The following SPIN1 variants were observed in gnomAD, a reference collection of about 807,000 sequenced individuals.
The protein encoded by SPIN1 is spindlin 1.
SPIN1 carries 3 observed loss-of-function variants against 26.0 expected under a neutral mutation model. The observed-to-expected ratio is 0.12, with a 90% CI of 0.05 to 0.30. The LOEUF (loss-of-function observed/expected upper bound fraction) is 0.30, where lower values mean the gene tolerates loss of function less well. Ranked by LOEUF, SPIN1 falls within the 10% of genes least tolerant of loss-of-function variation. The pLI is 1.00. For synonymous variants in SPIN1, 101 were observed against 116.5 expected (o/e 0.87, Z 0.86); for missense variants, 126 against 333.4 (o/e 0.38, Z 4.84).
intron 2 of SPIN1, among the ~76,000 whole-genome samples, chr9:88,439,773 C>T (rs1398025253): frequency 6.6e-6 from 1 of 152,138 alleles, no homozygotes; most frequent in Non-Finnish European, 1.5e-5. Flanking sequence ...CCAAACTCTG[C>T]TTTTTCTAAA....
chr9:88,420,323 C>T (rs532043273), intron 1 of SPIN1, among the ~76,000 whole-genome samples: 15 of 152,280 alleles, frequency 9.9e-5, no homozygotes, highest in South Asian at 2.1e-4. Context: ...TGCAGTGAGC[C>T]GAGATTGCGC....
chr9:88,417,810 T>C (rs1448032797), intron 1 of SPIN1, among the ~76,000 whole-genome samples: 1 of 152,210 alleles, frequency 6.6e-6, no homozygotes, highest in Non-Finnish European at 1.5e-5. Context: ...ACACACTAGC[T>C]ATAAATTGGA....
chr9:88,398,552 A>T (rs1278997032), intron 1 of SPIN1, among the ~76,000 whole-genome samples: 1 of 151,992 alleles, frequency 6.6e-6, no homozygotes, highest in Non-Finnish European at 1.5e-5. Context: ...TCATACAGTG[A>T]TTATTAAGTA....
chr9:88,468,345 CTT>C lies in SPIN1; in HGVS notation c.356-11_356-10del, dbSNP rs10541463. ...GGTAATCAGCGAAACACTTTGTCAA[CTT>C]TTTTTTTTTTTTTTTAATCCCCAGC... On this transcript the variant is annotated intron_variant, in intron 4 of 5. Coordinates refer to ENST00000375859, the MANE Select transcript of SPIN1 (RefSeq NM_006717.3). The C allele has an allele frequency of 0.18, 225,208 of 1,249,432 alleles. 6,644 individuals are homozygous for C. The highest frequency in any genetic ancestry group is 0.46 in the African/African-American group (29,722 of 63,968). 77.4% of individuals were successfully genotyped at this position (1,249,432 alleles called of 1,614,324 possible).
chr9:88,420,142 G>A (rs1035045362), intron 1 of SPIN1, among the ~76,000 whole-genome samples: 7 of 152,166 alleles, frequency 4.6e-5, no homozygotes, highest in African/African-American at 1.2e-4. Flanking sequence ...TTGGGAGGCC[G>A]AGGCGGGTGG....
intron 2 of SPIN1, among the ~76,000 whole-genome samples, chr9:88,430,406 C>T (rs796183011): frequency 1.3e-5 from 2 of 152,192 alleles, no homozygotes; most frequent in African/African-American, 4.8e-5. Flanking sequence ...TATACAGGTT[C>T]ACTTCTACTG....
In SPIN1 at chr9:88,396,949, TGTG is replaced by T. The variant is rs201405809; in HGVS notation, c.-159+8414_-159+8416del. 4.3e-3 allele frequency among the ~76,000 whole-genome samples: 661 copies of T among 152,034 alleles called. 7 individuals carry two copies. Among genetic ancestry groups the T allele is most frequent in the African/African-American group, 0.015 (615 of 41,524 alleles). On this transcript the variant is annotated intron_variant, in intron 1 of 5. Transcript: ENST00000375859. The stretch of plus-strand genomic sequence containing the variant: ...AAGGACAGAGAAAGTACAGTAGAAA[TGTG>T]GTATAAAAGAGAAATGGCATGCCTG...
chr9:88,397,696 A>G (rs376351155), intron 1 of SPIN1, among the ~76,000 whole-genome samples: 1 of 150,810 alleles, frequency 6.6e-6, no homozygotes, highest in East Asian at 1.9e-4. Flanking sequence ...GTCTCAGCTC[A>G]CTGCAGTCTC....
chr9:88,429,268 G>A (rs1827818808), intron 2 of SPIN1, among the ~76,000 whole-genome samples: 2 of 152,136 alleles, frequency 1.3e-5, no homozygotes, highest in Non-Finnish European at 2.9e-5. Context: ...AAGCAGTTCT[G>A]CAGCAGACAT....
chr9:88,402,216 C>T (rs538184007), intron 1 of SPIN1, among the ~76,000 whole-genome samples: 11 of 152,206 alleles, frequency 7.2e-5, no homozygotes, highest in African/African-American at 2.4e-4. Flanking sequence ...TGGTCTGGGT[C>T]CCCTGACCTC....
chr9:88,469,630 C>T (rs1303232224), intron 5 of SPIN1, among the ~76,000 whole-genome samples: 1 of 152,126 alleles, frequency 6.6e-6, no homozygotes, highest in African/African-American at 2.4e-5. Flanking sequence ...GTCTTCTGCC[C>T]CAGCCTCCCA....
chr9:88,471,675 A>G (rs1250214665), intron 5 of SPIN1, among the ~76,000 whole-genome samples: 2 of 151,274 alleles, frequency 1.3e-5, no homozygotes, highest in African/African-American at 4.9e-5. Context: ...AAAAAAAAAA[A>G]AAAAGAAAAT....
intron 5 of SPIN1, among the ~76,000 whole-genome samples, chr9:88,470,253 A>G (rs1190195911): frequency 6.6e-6 from 1 of 152,194 alleles, no homozygotes; most frequent in Non-Finnish European, 1.5e-5. Flanking sequence ...CCTCTTGGTT[A>G]TTATGAATAA....
intron 2 of SPIN1, among the ~76,000 whole-genome samples, chr9:88,438,248 G>A (rs1828048555): frequency 6.6e-6 from 1 of 151,772 alleles, no homozygotes; most frequent in African/African-American, 2.4e-5. Flanking sequence ...GGTAAGTTAT[G>A]TTTTCATTTT....
At chr9:88,394,545 A>C (rs1827011293) in intron 1 of SPIN1, among the ~76,000 whole-genome samples, 2 of 152,302 alleles carry the variant, frequency 1.3e-5, no homozygotes, top group South Asian at 4.1e-4. Context: ...TTGAAAATTT[A>C]CATTCTTAGC....
At chr9:88,424,630 T>C (rs1253047430) in intron 1 of SPIN1, among the ~76,000 whole-genome samples, 1 of 152,146 alleles carries the variant, frequency 6.6e-6, no homozygotes, top group African/African-American at 2.4e-5. Context: ...CAAATAATTG[T>C]TGGAATGGGA....
At chr9:88,414,464 C>A (rs527955965) in intron 1 of SPIN1, among the ~76,000 whole-genome samples, 2 of 152,312 alleles carry the variant, frequency 1.3e-5, no homozygotes, top group African/African-American at 4.8e-5. Context: ...GGGACAAAGG[C>A]CATCCAGTCT....
intron 4 of SPIN1, among the ~76,000 whole-genome samples, chr9:88,468,095 C>G (rs888294256): frequency 1.3e-5 from 2 of 151,992 alleles, no homozygotes; most frequent in African/African-American, 4.8e-5. Flanking sequence ...GGTACAGAAC[C>G]AAGAGCAGAT....
Position 88,436,754 on chromosome 9 carries a change from CTTTTTTTTTTTTT to C in SPIN1, c.52+10179_52+10191del, listed in dbSNP as rs776223657. Among the ~76,000 whole-genome samples the C allele has an allele frequency of 3.0e-3, 299 of 98,800 alleles. 1 individual carries two copies. Among genetic ancestry groups the C allele is most frequent in the African/African-American group, 0.011 (283 of 26,628 alleles). The allele number at this position is 98,800 out of a possible 152,430, so 64.8% of individuals were successfully genotyped here. A position where few individuals can be genotyped will look rare whatever the true frequency, so the allele number is the denominator to read the frequency against. On this transcript the variant is annotated intron_variant, in intron 2 of 5. Transcript: ENST00000375859. ...ATATGCACATAAATTTCCTCTGTGTCTTTTTTTTTTTTTTTTTTTTTTTTTTTTGAGACGGAGT... is the reference window on the plus strand; with the variant it reads ...ATATGCACATAAATTTCCTCTGTGTCTTTTTTTTTTTTTTTGAGACGGAGT...
Sources: gnomAD v4.1 joint callset for allele counts (sites outside exome capture counted in the v4.1 genomes callset) on GRCh38, gnomAD v4.1.1 for gene constraint, MANE v1.5 for transcripts, NCBI Gene and HGNC (gene_info 2026-07-23, HGNC 2026-07-21) for gene names.